Variants in SIN3B observed in about 807,000 individuals in gnomAD.
SIN3B encodes the protein paired amphipathic helix protein Sin3b.
In SIN3B, 19 loss-of-function variants were observed where a neutral mutation model predicts 120.2. The observed-to-expected ratio is 0.16, with a 90% confidence interval of 0.11 to 0.23. The LOEUF is 0.23. SIN3B is among the 10% of genes least tolerant of loss of function. SIN3B has a pLI of 1.00. For missense variants in SIN3B, 1,073 were observed against 1,573.0 expected, an observed-to-expected ratio of 0.68 and a Z score of 5.38; for synonymous variants, 654 against 653.2, an observed-to-expected ratio of 1.00 and a Z score of -0.02.
rs1599608003 is a variant in SIN3B, at chr19:16,865,480, G to A, written c.1454G>A (p.Arg485Gln). ...GAAAGTGTGCAGAAGAAGCTGTCTC[G>A]GATGGCGCCGGAAGACCAGGAGAAG... is the stretch of plus-strand genomic sequence containing the variant. ...VLESVQKKLS[R>Q]MAPEDQEKFR... The change falls in exon 11 of 19, where the codon CGG becomes CAG. Residue 485 changes from arginine (R) to glutamine (Q), a missense_variant. Around this residue, in one of 7 missense-constraint regions of SIN3B, gnomAD observed 118 missense variants for 281.6 expected, o/e 0.42. Coordinates refer to ENST00000248054, the MANE Select transcript of SIN3B (RefSeq NM_001297595.2). 4 of 1,613,496 alleles carry A rather than the reference G, an allele frequency of 2.5e-6. No individual in the cohort carries two copies. Among genetic ancestry groups the A allele is most frequent in the Non-Finnish European group, 2.5e-6 (3 of 1,179,664 alleles).
intron 4 of SIN3B, among the ~76,000 whole-genome samples, chr19:16,846,730 C>G (rs923880182): frequency 6.6e-6 from 1 of 152,216 alleles, no homozygotes; most frequent in African/African-American, 2.4e-5. Flanking sequence ...ACCTCCCTGC[C>G]CCCTCTGTTC....
In SIN3B at chr19:16,862,453, G is replaced by A. The variant is rs781024383; in HGVS notation, c.1160G>A (p.Arg387Gln). ...MSDRSGDGIS[R>Q]EIDYASCKRI... Reference sequence around the variant, plus strand: ...GACAGATCCGGGGACGGGATAAGCCGGGAAATTGATTATGCATCCTGCAAG... The same window carrying A: ...GACAGATCCGGGGACGGGATAAGCCAGGAAATTGATTATGCATCCTGCAAG... Residue 387 changes from arginine to glutamine, a missense_variant, in exon 9 of 19, where the codon CGG becomes CAG. This residue lies in a region of SIN3B where 395 missense variants were observed against 528.0 expected (regional missense o/e 0.75). Transcript: ENST00000248054. The surrounding 1 kb of genome is among the most constrained non-coding windows in gnomAD (Gnocchi z 4.7). 9 of 1,614,158 alleles carry A rather than the reference G, an allele frequency of 5.6e-6. No individual in the cohort carries two copies. The highest frequency in any genetic ancestry group is 2.2e-5 in the East Asian group (1 of 44,884).
chr19:16,873,739 G>T (rs1324748503), intron 14 of SIN3B, among the ~76,000 whole-genome samples: 1 of 152,230 alleles, frequency 6.6e-6, no homozygotes. Context: ...AGAGCCACAT[G>T]CTGCCCTGCT....
At chr19:16,846,255 G>T (rs1197269675) in intron 4 of SIN3B, 1 of 152,164 alleles carries the variant, frequency 6.6e-6, no homozygotes, top group Non-Finnish European at 1.5e-5. Flanking sequence ...GGTGCTGCCG[G>T]TGCCAAGATT....
intron 8 of SIN3B, among the ~76,000 whole-genome samples, chr19:16,861,594 C>T (rs1971688450): frequency 6.6e-6 from 1 of 152,098 alleles, no homozygotes; most frequent in Non-Finnish European, 1.5e-5. Flanking sequence ...GAAACCCCGT[C>T]TCTACTAAAC....
At chr19:16,830,137 C>T (rs1041307975) in intron 2 of SIN3B, among the ~76,000 whole-genome samples, 2 of 152,166 alleles carry the variant, frequency 1.3e-5, no homozygotes, top group African/African-American at 4.8e-5. Flanking sequence ...GCAGGGAGGG[C>T]GAGGCCGTGC....
chr19:16,875,472 T>TCTG (rs2051583599), intron 14 of SIN3B, among the ~76,000 whole-genome samples: 1 of 142,944 alleles, frequency 7.0e-6, no homozygotes, highest in Admixed American at 6.9e-5. Flanking sequence ...TCTGGTCTGG[T>TCTG]TTTGGTCTGG....
At chr19:16,837,190 G>A (rs1317646507) in intron 3 of SIN3B, among the ~76,000 whole-genome samples, 5 of 151,956 alleles carry the variant, frequency 3.3e-5, no homozygotes, top group South Asian at 2.1e-4. Flanking sequence ...CAAGGAGAAC[G>A]GCAGGGTCAG....
intron 2 of SIN3B, among the ~76,000 whole-genome samples, chr19:16,830,349 A>G (rs1599584208): frequency 6.6e-6 from 1 of 152,184 alleles, no homozygotes; most frequent in Admixed American, 6.5e-5. Context: ...CTGTGGTCCC[A>G]GGCCTGCTTG....
rs140583546 is a variant in SIN3B, at chr19:16,832,007, C to T, written c.381+360C>T. ...AGGCAGGCTTGCCCTTGTATTTAAG[C>T]ATGTCCTCGTCTGCCTCTGATCACT... On this transcript the variant is annotated intron_variant, in intron 3 of 18. Coordinates refer to ENST00000248054, the MANE Select transcript of SIN3B (RefSeq NM_001297595.2). 2.1e-4 allele frequency among the ~76,000 whole-genome samples: 32 copies of T among 152,244 alleles called. No individual in the cohort carries two copies. The East Asian group carries it at 4.2e-3, about 20-fold the overall frequency.
intron 3 of SIN3B, among the ~76,000 whole-genome samples, chr19:16,836,033 A>G (rs1327161932): frequency 1.3e-5 from 2 of 152,178 alleles, no homozygotes; most frequent in South Asian, 4.1e-4. Flanking sequence ...AGCTACTGAC[A>G]AGTAGGGAGT....
chr19:16,854,108 G>A (rs754382810), intron 7 of SIN3B, 35 bp from the exon 8 acceptor site: 5 of 1,520,192 alleles, frequency 3.3e-6, no homozygotes, highest in Non-Finnish European at 4.5e-6. Context: ...TGAGGAGCAG[G>A]GGTTCACAGT....
intron 5 of SIN3B, among the ~76,000 whole-genome samples, chr19:16,848,029 TCTCA>T (rs1321405941): frequency 2.0e-5 from 3 of 152,210 alleles, no homozygotes; most frequent in African/African-American, 7.2e-5. Flanking sequence ...GTCTGGCTCC[TCTCA>T]CTCAGCATCA....
At chr19:16,877,012 C>T (rs952444144) in intron 16 of SIN3B, 1 of 197,468 alleles carries the variant, frequency 5.1e-6, no homozygotes, top group Admixed American at 5.5e-5. Context: ...CTCCCGCATC[C>T]TGGTGACAGT....
intron 3 of SIN3B, among the ~76,000 whole-genome samples, chr19:16,832,500 CTTTT>C (rs769025487): frequency 2.3e-5 from 3 of 129,526 alleles, no homozygotes; most frequent in Non-Finnish European, 3.3e-5. Flanking sequence ...GCCCAGCCTC[CTTTT>C]TTTTTTTTTT....
intron 9 of SIN3B, chr19:16,863,415 A>G (rs1004940094): frequency 1.3e-5 from 7 of 544,664 alleles, no homozygotes; most frequent in African/African-American, 3.8e-5. Context: ...ATAGGATTCC[A>G]TTGGACATCA....
Position 16,878,283 on chromosome 19 carries a change from G to A in SIN3B, c.3055G>A (p.Ala1019Thr), listed in dbSNP as rs1487761010. 8.1e-6 allele frequency: 13 copies of A among 1,603,508 alleles called. No homozygotes were observed. Among genetic ancestry groups the A allele is most frequent in the African/African-American group, 5.3e-5 (4 of 74,866 alleles). The change falls in exon 18 of 19, where the codon GCC (alanine) becomes ACC (threonine). Residue 1019 changes from alanine to threonine, a missense_variant. Around this residue, in one of 7 missense-constraint regions of SIN3B, gnomAD observed 311 missense variants for 400.3 expected, o/e 0.78. Transcript: ENST00000248054. ...SWKRLVGVES[A>T]CDVDCRFKLS... ...GAAGCGGCTGGTGGGCGTGGAGAGC[G>A]CCTGCGACGTGGACTGCCGCTTCAA...
chr19:16,831,690 G>C (rs369627696), intron 3 of SIN3B, 43 bp downstream of exon 3: 2 of 1,599,190 alleles, frequency 1.3e-6, no homozygotes, highest in African/African-American at 1.3e-5. Context: ...CCTTCACCGA[G>C]TATGTCTTGC....
chr19:16,857,549 G>GTATATA (rs200240514), intron 8 of SIN3B, among the ~76,000 whole-genome samples: 1 of 144,044 alleles, frequency 6.9e-6, no homozygotes, highest in African/African-American at 2.7e-5. Context: ...GTGTGTGTGT[G>GTATATA]TGTGTATATA....
Sources: gnomAD v4.1 joint callset for allele counts (sites outside exome capture counted in the v4.1 genomes callset) on GRCh38, gnomAD v4.1.1 for gene constraint, gnomAD v4.1.1 regional missense constraint, Gnocchi (gnomAD v3.1) non-coding constraint, MANE v1.5 for transcripts, NCBI Gene and HGNC (gene_info 2026-07-23, HGNC 2026-07-21) for gene names.